The following UTS2B variants were observed in gnomAD, a reference collection of about 807,000 sequenced individuals.
UTS2B encodes the protein urotensin 2B.
Under a neutral mutation model 19.2 loss-of-function variants are expected in UTS2B, and 21 were observed. The ratio of observed to expected loss-of-function variants is 1.09; its 90% CI spans 0.78 to 1.58. The LOEUF is 1.58. Among genes scored for constraint, UTS2B ranks in the 40% most tolerant of loss-of-function variants. The pLI is 0.00. For synonymous variants in UTS2B, 57 were observed against 50.2 expected, an observed-to-expected ratio of 1.14 and a Z score of -0.58; for missense variants, 138 against 130.3, an observed-to-expected ratio of 1.06 and a Z score of -0.29.
At chr3:191,312,616 T>G (rs1717334199) in intron 3 of UTS2B, among the ~76,000 whole-genome samples, 1 of 152,192 alleles carries the variant, frequency 6.6e-6, no homozygotes, top group South Asian at 2.1e-4. Context: ...TACCCACACC[T>G]CATTCTTCTT....
At chr3:191,275,625 A>G (rs1716213565) in intron 7 of UTS2B, among the ~76,000 whole-genome samples, 2 of 152,114 alleles carry the variant, frequency 1.3e-5, no homozygotes, top group Non-Finnish European at 1.5e-5. Flanking sequence ...GACTGCAGTG[A>G]GCCGAGATTG....
At chr3:191,306,291 A>G (rs936954245) in intron 3 of UTS2B, among the ~76,000 whole-genome samples, 1 of 152,212 alleles carries the variant, frequency 6.6e-6, no homozygotes. Flanking sequence ...GGAAGACTAC[A>G]TTGCTTCAAA....
At chr3:191,276,708 T>C (rs374336435) in intron 7 of UTS2B, 99 bp downstream of exon 7, 6 of 1,009,520 alleles carry the variant, frequency 5.9e-6, no homozygotes, top group South Asian at 3.1e-5. Flanking sequence ...AAGTTTTACA[T>C]TGTAGTATTA....
At chr3:191,338,157 G>A in the UTS2B span, among the ~76,000 whole-genome samples, 4 of 152,076 alleles carry the variant, frequency 2.6e-5, no homozygotes, top group South Asian at 8.3e-4. Context: ...CCTCTTCACC[G>A]CTTCCCCATC....
At chr3:191,298,822 T>C (rs2108592012) in intron 4 of UTS2B, among the ~76,000 whole-genome samples, 1 of 152,294 alleles carries the variant, frequency 6.6e-6, no homozygotes, top group African/African-American at 2.4e-5. Context: ...ACCAAAATCT[T>C]GATAATGATA....
intron 4 of UTS2B, among the ~76,000 whole-genome samples, chr3:191,289,408 C>CA (rs1716648860): frequency 7.2e-6 from 1 of 139,312 alleles, no homozygotes; most frequent in Admixed American, 7.1e-5. Context: ...GACTCCATCT[C>CA]AATAAATAAA....
chr3:191,300,610 G>A (rs1716973131), intron 4 of UTS2B, among the ~76,000 whole-genome samples: 1 of 151,978 alleles, frequency 6.6e-6, no homozygotes, highest in South Asian at 2.1e-4. Context: ...GGAGCCAGAG[G>A]CAGAATGACA....
At chr3:191,335,247 G>C (rs889809475), upstream of UTS2B, among the ~76,000 whole-genome samples, 4 of 152,182 alleles carry the variant, frequency 2.6e-5, no homozygotes, top group South Asian at 8.3e-4. Flanking sequence ...CCAAGGTACA[G>C]AAGCATATTT....
chr3:191,322,048 A>ATG (rs60815436), intron 2 of UTS2B, among the ~76,000 whole-genome samples: 37,698 of 150,878 alleles, frequency 0.25, 5,121 homozygotes, highest in Non-Finnish European at 0.3. Context: ...ATACATATAT[A>ATG]TGTGTGTGTG....
intron 2 of UTS2B, among the ~76,000 whole-genome samples, chr3:191,327,271 G>A (rs1289687010): frequency 5.9e-5 from 9 of 152,142 alleles, no homozygotes; most frequent in African/African-American, 2.2e-4. Flanking sequence ...CGAGGTGGGC[G>A]GATCACTTGA....
At chr3:191,329,944 G>C (rs113576372) in intron 1 of UTS2B, among the ~76,000 whole-genome samples, 1 of 29,194 alleles carries the variant, frequency 3.4e-5, no homozygotes, top group African/African-American at 5.2e-4. Context: ...GGGGTGGTTG[G>C]GGGGGGGGGG....
intron 2 of UTS2B, among the ~76,000 whole-genome samples, chr3:191,325,151 G>A (rs901993955): frequency 6.6e-6 from 1 of 152,170 alleles, no homozygotes; most frequent in Admixed American, 6.5e-5. Context: ...ATCATCAAGT[G>A]TTCTGTGATG....
At chr3:191,306,623 T>C (rs1279709973) in intron 3 of UTS2B, among the ~76,000 whole-genome samples, 1 of 152,116 alleles carries the variant, frequency 6.6e-6, no homozygotes, top group East Asian at 1.9e-4. Context: ...GAATGGTAAC[T>C]AGGGGAAATT....
intron 5 of UTS2B, among the ~76,000 whole-genome samples, chr3:191,280,053 T>C (rs1029296733): frequency 1.3e-5 from 2 of 152,120 alleles, no homozygotes; most frequent in African/African-American, 4.8e-5. Context: ...GAGAGTGTTT[T>C]TGCAAATATT....
intron 2 of UTS2B, among the ~76,000 whole-genome samples, chr3:191,325,678 C>T (rs1360127812): frequency 6.6e-6 from 1 of 152,192 alleles, no homozygotes; most frequent in African/African-American, 2.4e-5. Flanking sequence ...ATAGTCTCTA[C>T]TATGGGCTGA....
chr3:191,335,796 A>G, the UTS2B span, among the ~76,000 whole-genome samples: 44 of 152,272 alleles, frequency 2.9e-4, no homozygotes, highest in Non-Finnish European at 4.6e-4. Flanking sequence ...AAGTTCAGCG[A>G]ATAATTTACA....
At chr3:191,273,529 G>C in intron 8 of UTS2B, 1 of 456,726 alleles carries the variant, frequency 2.2e-6, no homozygotes, top group South Asian at 1.5e-5. Flanking sequence ...CAATGTTGGA[G>C]GCAGTTAAGC....
At chr3:191,309,395 G>A (rs111578205) in intron 3 of UTS2B, among the ~76,000 whole-genome samples, 33,954 of 151,324 alleles carry the variant, frequency 0.22, 4,124 homozygotes, top group South Asian at 0.28. Context: ...GGACGGTCTC[G>A]ATCTCCTGAC....
chr3:191,313,725 C>CTTTTTTTTTT (rs57398216), intron 3 of UTS2B, among the ~76,000 whole-genome samples: 7 of 109,132 alleles, frequency 6.4e-5, no homozygotes, highest in African/African-American at 1.7e-4. Context: ...CTCCACTTTC[C>CTTTTTTTTTT]TTTTTTTTTT....
Sources: gnomAD v4.1 joint callset for allele counts (sites outside exome capture counted in the v4.1 genomes callset) on GRCh38, gnomAD v4.1.1 for gene constraint, MANE v1.5 for transcripts, NCBI Gene and HGNC (gene_info 2026-07-23, HGNC 2026-07-21) for gene names.